INPP5B: variants seen among roughly 807,000 people sequenced by gnomAD.
The protein encoded by INPP5B is type II inositol 1,4,5-trisphosphate 5-phosphatase.
In INPP5B, 90 loss-of-function variants were observed where a neutral mutation model predicts 118.5. That is an observed-to-expected ratio of 0.76 (90% CI 0.64 to 0.90). The LOEUF is 0.90. INPP5B is among the 40% of genes least tolerant of loss of function. The probability of loss-of-function intolerance (pLI) is 0.00; values close to 1 mark genes in which losing one functional copy is unlikely to be tolerated. For missense variants in INPP5B, 984 were observed against 1,125.6 expected (o/e 0.87, Z 1.80); for synonymous variants, 385 against 418.9 (o/e 0.92, Z 0.99).
At chr1:37,920,966 C>T (rs938548963) in intron 7 of INPP5B, among the ~76,000 whole-genome samples, 7 of 151,732 alleles carry the variant, frequency 4.6e-5, no homozygotes, top group Admixed American at 2.6e-4. Flanking sequence ...ATCAGGCGGG[C>T]GTGGTGGCGG....
At position 37,928,357 on chromosome 1, in the gene INPP5B, G is replaced by T. The variant is rs56168233; in HGVS notation, c.532+3556C>A. 1.5e-3 allele frequency among the ~76,000 whole-genome samples: 230 copies of T among 151,248 alleles called. 7 individuals are homozygous for T. The South Asian group carries it at 0.041, about 27-fold the overall frequency. On this transcript the variant is annotated intron_variant, in intron 7 of 23. Coordinates refer to ENST00000373024, the MANE Select transcript of INPP5B (RefSeq NM_005540.3). Reference sequence around the variant, plus strand: ...CTCAGCTAAGTTCTGTTTTTTTGGGGTTTTTTTGTTTTGTTTTGTTTTGTT... The same window carrying T: ...CTCAGCTAAGTTCTGTTTTTTTGGGTTTTTTTTGTTTTGTTTTGTTTTGTT...
chr1:37,883,066 C>A (rs528353319), intron 13 of INPP5B, 148 bp from the exon 14 acceptor site: 13 of 1,435,150 alleles, frequency 9.1e-6, no homozygotes, highest in Non-Finnish European at 1.2e-5. Flanking sequence ...TTTTTTCTCT[C>A]GCCATCCCAT....
intron 3 of INPP5B, among the ~76,000 whole-genome samples, chr1:37,944,185 C>G (rs1646036314): frequency 6.6e-6 from 1 of 152,120 alleles, no homozygotes; most frequent in African/African-American, 2.4e-5. Context: ...CTGTGTGTGA[C>G]AGGAACAGTG....
At chr1:37,941,937 C>CAAAAAAAAAAAA (rs1212694634) in intron 5 of INPP5B, 1 of 12,914 alleles carries the variant, frequency 7.7e-5, no homozygotes, top group Admixed American at 7.7e-4. Context: ...GACTCCGTCT[C>CAAAAAAAAAAAA]AAAAAAAAAA....
intron 17 of INPP5B, among the ~76,000 whole-genome samples, chr1:37,875,330 G>A (rs1311848693): frequency 1.3e-5 from 2 of 151,994 alleles, no homozygotes; most frequent in African/African-American, 2.4e-5. Context: ...GTGCAGTGGC[G>A]CGATCTCGGC....
intron 23 of INPP5B, 73 bp downstream of exon 23, chr1:37,864,239 C>T (rs1306352585): frequency 2.4e-6 from 2 of 825,954 alleles, no homozygotes; most frequent in Non-Finnish European, 4.0e-6. Flanking sequence ...ACCTGGGACC[C>T]TCCTCAACCT....
intron 7 of INPP5B, among the ~76,000 whole-genome samples, chr1:37,904,084 T>C (rs1055371765): frequency 1.3e-5 from 2 of 152,102 alleles, no homozygotes; most frequent in African/African-American, 4.8e-5. Flanking sequence ...CCTAGAACTT[T>C]GGGAGGCCGA....
chr1:37,935,805 G>A (rs1645662946), intron 6 of INPP5B, among the ~76,000 whole-genome samples: 1 of 151,952 alleles, frequency 6.6e-6, no homozygotes, highest in South Asian at 2.1e-4. Context: ...GGTGGCTCAC[G>A]CCTGTAATCC....
chr1:37,871,955 T>G, intron 19 of INPP5B, among the ~76,000 whole-genome samples: 1 of 144,842 alleles, frequency 6.9e-6, no homozygotes, highest in African/African-American at 2.6e-5. Flanking sequence ...TCCCAGCTAC[T>G]AGGGTGGCAG....
intron 7 of INPP5B, among the ~76,000 whole-genome samples, chr1:37,920,531 G>C (rs1645015402): frequency 6.6e-6 from 1 of 151,888 alleles, no homozygotes; most frequent in African/African-American, 2.4e-5. Context: ...CAGGTGTGGT[G>C]GTGGGCACCT....
At chr1:37,874,296 A>G in intron 17 of INPP5B, 141 bp from the exon 18 acceptor site, 1 of 556,508 alleles carries the variant, frequency 1.8e-6, no homozygotes. Context: ...TCTACCTGGG[A>G]GGCCACAGTT....
intron 5 of INPP5B, among the ~76,000 whole-genome samples, chr1:37,942,819 G>T (rs999924314): frequency 6.6e-6 from 1 of 151,722 alleles, no homozygotes; most frequent in East Asian, 2.0e-4. Context: ...AGAGGCAGGG[G>T]AATCACTTGA....
At chr1:37,882,118 T>C (rs1262665230) in intron 14 of INPP5B, among the ~76,000 whole-genome samples, 1 of 148,396 alleles carries the variant, frequency 6.7e-6, no homozygotes, top group African/African-American at 2.5e-5. Context: ...AAAAAGATAA[T>C]AGAAAGATTT....
chr1:37,911,792 T>C (rs1644708250), intron 7 of INPP5B, among the ~76,000 whole-genome samples: 1 of 152,208 alleles, frequency 6.6e-6, no homozygotes, highest in South Asian at 2.1e-4. Flanking sequence ...GCTGTTTTAC[T>C]TCCAAAGGAA....
At chr1:37,896,828 G>A (rs1415560083) in intron 7 of INPP5B, among the ~76,000 whole-genome samples, 2 of 141,396 alleles carry the variant, frequency 1.4e-5, no homozygotes, top group South Asian at 4.5e-4. Context: ...GAGGTGAGGG[G>A]CGCCTCTGCC....
At chr1:37,900,073 AT>A (rs34018622) in intron 7 of INPP5B, among the ~76,000 whole-genome samples, 327 of 114,626 alleles carry the variant, frequency 2.9e-3, no homozygotes, top group African/African-American at 5.1e-3. Context: ...TTTACCTTGA[AT>A]TTTTTTTTTT....
chr1:37,871,082 T>C (rs12745319), intron 19 of INPP5B, among the ~76,000 whole-genome samples: 137,629 of 150,054 alleles, frequency 0.92, 63,791 homozygotes, highest in Non-Finnish European at 0.99. Flanking sequence ...GCTTGCAACC[T>C]GGACGGCAGA....
At chr1:37,873,318 C>T in intron 18 of INPP5B, 153 bp from the exon 19 acceptor site, 1 of 617,684 alleles carries the variant, frequency 1.6e-6, no homozygotes, top group East Asian at 2.7e-5. Flanking sequence ...GCTTGGCATG[C>T]AGGAGACACA....
chr1:37,891,024 C>T (rs1041534370), intron 8 of INPP5B, among the ~76,000 whole-genome samples: 5 of 151,850 alleles, frequency 3.3e-5, no homozygotes, highest in African/African-American at 4.8e-5. Context: ...GTCACAAGTT[C>T]GAGACCAGCC....
Sources: gnomAD v4.1 joint callset for allele counts (sites outside exome capture counted in the v4.1 genomes callset) on GRCh38, gnomAD v4.1.1 for gene constraint, MANE v1.5 for transcripts, NCBI Gene and HGNC (gene_info 2026-07-23, HGNC 2026-07-21) for gene names.